SPIDR: variants seen among roughly 807,000 people sequenced by gnomAD.
SPIDR encodes DNA repair-scaffolding protein.
In SPIDR, 93 loss-of-function variants were observed where a neutral mutation model predicts 104.6. The observed-to-expected ratio is 0.89, with a 90% CI of 0.75 to 1.06. SPIDR has a LOEUF of 1.06. SPIDR is among the 50% of genes least tolerant of loss of function. The probability of loss-of-function intolerance (pLI) is 0.00; values close to 1 mark genes in which losing one functional copy is unlikely to be tolerated. For missense variants in SPIDR, 1,154 were observed against 1,111.2 expected (o/e 1.04, Z -0.55); for synonymous variants, 431 against 416.9 (o/e 1.03, Z -0.41).
At chr8:47,304,874 A>G (rs2042859374) in intron 5 of SPIDR, among the ~76,000 whole-genome samples, 2 of 152,224 alleles carry the variant, frequency 1.3e-5, no homozygotes, top group African/African-American at 4.8e-5. Flanking sequence ...GCCCTCATGA[A>G]TAGATTAATA....
At chr8:47,427,385 T>G (rs900809649) in intron 7 of SPIDR, among the ~76,000 whole-genome samples, 18 of 151,828 alleles carry the variant, frequency 1.2e-4, no homozygotes, top group African/African-American at 4.3e-4. Context: ...TATAGGGAGA[T>G]AGATGTGAAG....
In SPIDR at chr8:47,284,060, A is replaced by G; in HGVS notation, c.222A>G (p.Glu74=). ...SLTAEEKTIT[E]KHLELCPRPK... is the part of the protein sequence containing the mutation. ...CAGCTGAAGAGAAGACGATTACAGA[A>G]AAGCACCTTGAATTATGCCCTAGAC... is the stretch of plus-strand genomic sequence containing the variant. The change falls in exon 3 of 20, where the codon GAA becomes GAG. Residue 74 remains glutamate (E), a synonymous_variant. Coordinates refer to ENST00000297423, the MANE Select transcript of SPIDR (RefSeq NM_001080394.4). 1.2e-6 allele frequency: 2 copies of G among 1,612,766 alleles called. No homozygotes were observed. The highest frequency in any genetic ancestry group is 1.7e-6 in the Non-Finnish European group (2 of 1,179,552).
intron 7 of SPIDR, among the ~76,000 whole-genome samples, chr8:47,430,722 G>C (rs782064527): frequency 1.1e-4 from 17 of 152,118 alleles, no homozygotes; most frequent in Non-Finnish European, 2.2e-4. Flanking sequence ...TTGTTTCTCA[G>C]TTGATGCCAC....
At chr8:47,492,587 C>T (rs2078887992) in intron 8 of SPIDR, among the ~76,000 whole-genome samples, 1 of 152,158 alleles carries the variant, frequency 6.6e-6, no homozygotes, top group South Asian at 2.1e-4. Context: ...TGCCCTTTTA[C>T]CTCTTCTCTG....
chr8:47,730,118 T>C (rs1480627211), intron 19 of SPIDR, among the ~76,000 whole-genome samples: 1 of 152,176 alleles, frequency 6.6e-6, no homozygotes, highest in East Asian at 1.9e-4. Flanking sequence ...TGCTTTTTTT[T>C]TTCTTTTTTT....
chr8:47,558,705 T>G (rs529938828), intron 8 of SPIDR, among the ~76,000 whole-genome samples: 1 of 152,220 alleles, frequency 6.6e-6, no homozygotes, highest in South Asian at 2.1e-4. Flanking sequence ...AGTGGCACGA[T>G]CTCAGCTCAG....
At chr8:47,529,097 T>C (rs2085496837) in intron 8 of SPIDR, among the ~76,000 whole-genome samples, 1 of 152,146 alleles carries the variant, frequency 6.6e-6, no homozygotes, top group Non-Finnish European at 1.5e-5. Context: ...TCAGAAATCT[T>C]GCAAACAAAA....
intron 8 of SPIDR, among the ~76,000 whole-genome samples, chr8:47,564,793 A>G (rs190319157): frequency 8.5e-5 from 13 of 152,152 alleles, no homozygotes; most frequent in African/African-American, 2.2e-4. Context: ...ATAGTTTGAT[A>G]TATATAATAC....
chr8:47,443,320 A>G (rs944801495), intron 8 of SPIDR, among the ~76,000 whole-genome samples: 1 of 152,160 alleles, frequency 6.6e-6, no homozygotes, highest in African/African-American at 2.4e-5. Context: ...CTATAATCCC[A>G]GCAGTTTAGG....
At chr8:47,661,782 G>A (rs1454153963) in intron 10 of SPIDR, among the ~76,000 whole-genome samples, 1 of 152,200 alleles carries the variant, frequency 6.6e-6, no homozygotes, top group Non-Finnish European at 1.5e-5. Flanking sequence ...ATAACTGAAA[G>A]GACTTCTAGA....
At chr8:47,642,333 G>A (rs1014997411) in intron 10 of SPIDR, among the ~76,000 whole-genome samples, 3 of 151,456 alleles carry the variant, frequency 2.0e-5, no homozygotes, top group Non-Finnish European at 4.4e-5. Flanking sequence ...GGTGAATGGT[G>A]TGAACCCAGG....
At chr8:47,518,839 G>A (rs184849614) in intron 8 of SPIDR, among the ~76,000 whole-genome samples, 1 of 152,206 alleles carries the variant, frequency 6.6e-6, no homozygotes, top group East Asian at 1.9e-4. Flanking sequence ...GTTTCACTGT[G>A]TTAGCCAGGA....
At chr8:47,336,358 G>A (rs1353959723) in intron 5 of SPIDR, among the ~76,000 whole-genome samples, 1 of 152,202 alleles carries the variant, frequency 6.6e-6, no homozygotes, top group East Asian at 1.9e-4. Context: ...TTGCCGCACA[G>A]AAAGCCAGTG....
rs186469646 is a variant in SPIDR at position 47,641,165 on chromosome 8, A to G, written c.1545-32636A>G. On this transcript the variant is annotated intron_variant, in intron 10 of 19. Coordinates refer to ENST00000297423, the MANE Select transcript of SPIDR (RefSeq NM_001080394.4). ...ATTAAATAAGACTAGGTAATTTTTAATTTAATTTTATTTAGAGACAGGATC... is the reference window on the plus strand; with the variant it reads ...ATTAAATAAGACTAGGTAATTTTTAGTTTAATTTTATTTAGAGACAGGATC... Among the ~76,000 whole-genome samples, 29 of 151,942 alleles carry G rather than the reference A, an allele frequency of 1.9e-4. 1 individual carries two copies. Among genetic ancestry groups the G allele is most frequent in the Admixed American group, 1.7e-3 (26 of 15,264 alleles).
At chr8:47,735,095 G>GGT (rs146992468) in intron 19 of SPIDR, among the ~76,000 whole-genome samples, 57 of 146,032 alleles carry the variant, frequency 3.9e-4, no homozygotes, top group African/African-American at 8.2e-4. Flanking sequence ...TGGGTGTGTG[G>GGT]GTGTGTGTGT....
intron 14 of SPIDR, among the ~76,000 whole-genome samples, chr8:47,712,190 C>T (rs1000459591): frequency 6.6e-6 from 1 of 152,186 alleles, no homozygotes; most frequent in African/African-American, 2.4e-5. Flanking sequence ...AATAATAAAA[C>T]CTGTTGCAGA....
In SPIDR at chr8:47,359,326, C is replaced by T. The variant is rs2055255141; in HGVS notation, c.526-37050C>T. 2.6e-5 allele frequency among the ~76,000 whole-genome samples: 4 copies of T among 151,316 alleles called. No individual in the cohort carries two copies. The South Asian group carries it at 6.3e-4, about 24-fold the overall frequency. ...TTTATAATATCCACCTTGGCACATT[C>T]GATGAAAGTTTCAAACTTCGAACTT... On this transcript the variant is annotated intron_variant, in intron 5 of 19. Transcript: ENST00000297423.
chr8:47,421,012 A>T (rs186968540), intron 7 of SPIDR, among the ~76,000 whole-genome samples: 91 of 152,280 alleles, frequency 6.0e-4, no homozygotes, highest in African/African-American at 2.1e-3. Flanking sequence ...TTTGTGGGTA[A>T]CCCCACCTTT....
At chr8:47,603,759 A>G (rs2062601139) in intron 10 of SPIDR, among the ~76,000 whole-genome samples, 1 of 152,194 alleles carries the variant, frequency 6.6e-6, no homozygotes, top group African/African-American at 2.4e-5. Flanking sequence ...TTGCAGAAAT[A>G]TTTTAAAGTG....
Sources: allele counts gnomAD v4.1 joint callset (sites outside exome capture counted in the v4.1 genomes callset), GRCh38; gene constraint gnomAD v4.1.1; transcripts MANE v1.5; gene names NCBI Gene and HGNC (gene_info 2026-07-23, HGNC 2026-07-21).